The following RMND1 variants were observed in gnomAD, a reference collection of about 807,000 sequenced individuals.
The protein encoded by RMND1 is required for meiotic nuclear division protein 1 homolog.
In RMND1, 41 loss-of-function variants were observed where a neutral mutation model predicts 54.0. That is an observed-to-expected ratio of 0.76 (90% confidence interval 0.59 to 0.98). The LOEUF (loss-of-function observed/expected upper bound fraction) is 0.98. RMND1 is among the 50% of genes least tolerant of loss of function. The pLI is 0.00. For synonymous variants in RMND1, 183 were observed against 181.7 expected, an observed-to-expected ratio of 1.01 and a Z score of -0.06; for missense variants, 457 against 532.0, an observed-to-expected ratio of 0.86 and a Z score of 1.39.
chr6:151,428,330 T>C (rs1482866214), intron 5 of RMND1, among the ~76,000 whole-genome samples: 1 of 152,208 alleles, frequency 6.6e-6, no homozygotes, highest in East Asian at 1.9e-4. Context: ...TAGGATCATA[T>C]TATGCACATG....
intron 11 of RMND1, 132 bp downstream of exon 11, chr6:151,405,588 A>G: frequency 1.6e-6 from 1 of 621,520 alleles, no homozygotes; most frequent in Non-Finnish European, 2.8e-6. Flanking sequence ...ACTTCCAAAT[A>G]GAGTTAGTAA....
intron 6 of RMND1, among the ~76,000 whole-genome samples, chr6:151,424,394 C>T (rs554106453): frequency 2.7e-5 from 4 of 150,154 alleles, no homozygotes; most frequent in South Asian, 2.1e-4. Flanking sequence ...ACCCGGGAGG[C>T]GGAGCTTGCA....
chr6:151,413,756 A>C (rs1348600960), intron 10 of RMND1: 1 of 152,156 alleles, frequency 6.6e-6, no homozygotes, highest in Non-Finnish European at 1.5e-5. Context: ...GTCTAATTAC[A>C]CCTCTGTTAT....
At chr6:151,407,861 A>G (rs1401303786) in intron 10 of RMND1, among the ~76,000 whole-genome samples, 1 of 152,078 alleles carries the variant, frequency 6.6e-6, no homozygotes, top group Admixed American at 6.6e-5. Context: ...CAGTGAGCCA[A>G]GATCGCGCCA....
In RMND1 at chr6:151,405,719, C is replaced by G. The variant is rs886037773; in HGVS notation, c.1317+1G>C. ...CATAGTACAGAGCATTTCCATCTTA[C>G]CTCTATGGTAATGAGGATGACAATC... On this transcript the variant is annotated splice_donor_variant, in intron 11 of 11. Coordinates refer to ENST00000444024, the MANE Select transcript of RMND1 (RefSeq NM_017909.4). LOFTEE classifies it high-confidence loss of function. 1.4e-6 allele frequency: 2 copies of G among 1,413,042 alleles called. No homozygotes were observed. Among genetic ancestry groups the G allele is most frequent in the Non-Finnish European group, 1.0e-6 (1 of 997,064 alleles). The allele number at this position is 1,413,042 out of a possible 1,614,324, so 87.5% of individuals were successfully genotyped here.
chr6:151,410,265 C>A lies in RMND1; in HGVS notation c.1201-4429G>T, dbSNP rs1050870287. ...AGAGACGGGGTCTCACCATGTTAGC[C>A]AGGATGGTCTGGATCTCCTGACCTT... On this transcript the variant is annotated intron_variant, in intron 10 of 11. Transcript: ENST00000444024. Among the ~76,000 whole-genome samples the A allele has an allele frequency of 3.3e-5, 5 of 152,238 alleles. 1 individual carries two copies. Among genetic ancestry groups the A allele is most frequent in the East Asian group, 3.9e-4 (2 of 5,172 alleles).
chr6:151,419,671 T>TAAA (rs11295311), intron 9 of RMND1, among the ~76,000 whole-genome samples: 2 of 117,110 alleles, frequency 1.7e-5, no homozygotes, highest in African/African-American at 3.3e-5. Context: ...AGACCCTGTT[T>TAAA]AAAAAAAAAA....
At chr6:151,433,635 T>A (rs1167396974) in intron 3 of RMND1, among the ~76,000 whole-genome samples, 2 of 152,120 alleles carry the variant, frequency 1.3e-5, no homozygotes, top group Admixed American at 6.6e-5. Context: ...TTCCTATAAA[T>A]ACCATTTCAT....
intron 10 of RMND1, among the ~76,000 whole-genome samples, chr6:151,407,602 A>G (rs1323667097): frequency 6.6e-6 from 1 of 152,074 alleles, no homozygotes; most frequent in Non-Finnish European, 1.5e-5. Context: ...CAACACACTG[A>G]AATGTGCAAG....
At chr6:151,410,335 A>G (rs137889614) in intron 10 of RMND1, among the ~76,000 whole-genome samples, 5,145 of 152,194 alleles carry the variant, frequency 0.034, 124 homozygotes, top group African/African-American at 0.059. Context: ...GATTACAGGC[A>G]TGAGCCACCG....
chr6:151,412,438 T>TGA (rs1487895019), intron 10 of RMND1, among the ~76,000 whole-genome samples: 1 of 152,146 alleles, frequency 6.6e-6, no homozygotes, highest in African/African-American at 2.4e-5. Context: ...ATTATAAGCA[T>TGA]GAGCCACTGT....
intron 10 of RMND1, chr6:151,411,498 A>T (rs1779832678): frequency 6.6e-6 from 1 of 152,206 alleles, no homozygotes; most frequent in Non-Finnish European, 1.5e-5. Flanking sequence ...GTAGAGGCAG[A>T]AGGGGCTTGG....
intron 1 of RMND1, among the ~76,000 whole-genome samples, chr6:151,448,907 T>C (rs972672590): frequency 1.3e-5 from 2 of 151,690 alleles, no homozygotes; most frequent in African/African-American, 4.9e-5. Context: ...CGAAACCCCG[T>C]GTCTACTAAA....
chr6:151,428,113 A>C (rs1390153875), intron 5 of RMND1, among the ~76,000 whole-genome samples: 1 of 152,106 alleles, frequency 6.6e-6, no homozygotes, highest in Non-Finnish European at 1.5e-5. Flanking sequence ...ACCCTATCTC[A>C]AAAAAATAAA....
At position 151,449,060 on chromosome 6, in the gene RMND1, C is replaced by CAAAAAAAAAAAAAAAA; in HGVS notation, c.-15+2940_-15+2955dup. On this transcript the variant is annotated intron_variant, in intron 1 of 11. Coordinates refer to ENST00000444024, the MANE Select transcript of RMND1 (RefSeq NM_017909.4). ...TGAGCAACAAAGCGAGACTCTGTCT[C>CAAAAAAAAAAAAAAAA]AAAAAAAAAAAAAAAAAAAAAAAAA... Among the ~76,000 whole-genome samples the CAAAAAAAAAAAAAAAA allele has an allele frequency of 1.1e-4, 2 of 18,678 alleles. 1 individual carries two copies. The highest frequency in any genetic ancestry group is 5.0e-4 in the African/African-American group (2 of 4,020). The allele number at this position is 18,678 out of a possible 152,430, so 12.3% of individuals were successfully genotyped here.
At chr6:151,451,195 C>CA (rs1241593346) in intron 1 of RMND1, among the ~76,000 whole-genome samples, 25 of 75,624 alleles carry the variant, frequency 3.3e-4, no homozygotes, top group East Asian at 1.6e-3. Flanking sequence ...CAAGAATGAT[C>CA]AATAAAAAAA....
chr6:151,450,769 G>C (rs1461659490), intron 1 of RMND1, among the ~76,000 whole-genome samples: 1 of 151,418 alleles, frequency 6.6e-6, no homozygotes, highest in Admixed American at 6.6e-5. Flanking sequence ...AGGGGGGAAA[G>C]GGGGGGAAAA....
intron 1 of RMND1, among the ~76,000 whole-genome samples, chr6:151,447,369 T>C (rs1025969233): frequency 2.0e-5 from 3 of 152,156 alleles, no homozygotes; most frequent in Admixed American, 1.3e-4. Context: ...CAAGACAGAC[T>C]CTGACATCAC....
intron 9 of RMND1, 77 bp from the exon 10 acceptor site, chr6:151,417,476 T>C (rs922999674): frequency 1.6e-6 from 2 of 1,261,886 alleles, no homozygotes; most frequent in African/African-American, 1.5e-5. Flanking sequence ...AATATTTACA[T>C]AGTGCTTTAT....
Sources: gnomAD v4.1 joint callset for allele counts (sites outside exome capture counted in the v4.1 genomes callset) on GRCh38, gnomAD v4.1.1 for gene constraint, MANE v1.5 for transcripts, NCBI Gene and HGNC (gene_info 2026-07-23, HGNC 2026-07-21) for gene names.